The following UNC13A variants were observed in gnomAD, a reference collection of about 807,000 sequenced individuals.
UNC13A encodes unc-13 homolog A.
A neutral mutation model predicts 219.7 loss-of-function variants in UNC13A; 61 were observed. That is an observed-to-expected ratio of 0.28 (90% confidence interval 0.23 to 0.34). The LOEUF (loss-of-function observed/expected upper bound fraction) is 0.34, where lower values mean the gene tolerates loss of function less well. Ranked by LOEUF, UNC13A falls within the 10% of genes least tolerant of loss-of-function variation. The probability of loss-of-function intolerance (pLI) is 1.00; values close to 1 mark genes in which losing one functional copy is unlikely to be tolerated. For synonymous variants in UNC13A, 920 were observed against 884.6 expected, an observed-to-expected ratio of 1.04 and a Z score of -0.71; for missense variants, 1,476 against 2,270.3, an observed-to-expected ratio of 0.65 and a Z score of 7.11.
At chr19:17,626,369 C>A in intron 34 of UNC13A, 1 of 421,078 alleles carries the variant, frequency 2.4e-6, no homozygotes, top group Non-Finnish European at 4.3e-6. Context: ...TCTTTTAATC[C>A]ATGCGTCCAC....
intron 8 of UNC13A, among the ~76,000 whole-genome samples, chr19:17,658,911 A>G (rs1016121422): frequency 3.9e-5 from 6 of 152,198 alleles, no homozygotes; most frequent in Non-Finnish European, 7.3e-5. Flanking sequence ...CATGTTTAAT[A>G]AGAACTAAAA....
rs563828598 is a variant in UNC13A at position 17,667,424 on chromosome 19, T to C, written c.468+693A>G. 5.3e-5 allele frequency among the ~76,000 whole-genome samples: 8 copies of C among 152,272 alleles called. No homozygotes were observed. In the South Asian group the frequency reaches 1.7e-3, roughly 32 times the overall value. ...ATGCAATATATTCGTGTAACAAACCTGCACATGTATCCGCCAAATGAAAAG... is the reference window on the plus strand; with the variant it reads ...ATGCAATATATTCGTGTAACAAACCCGCACATGTATCCGCCAAATGAAAAG... On this transcript the variant is annotated intron_variant, in intron 6 of 43. Coordinates refer to ENST00000519716, the MANE Select transcript of UNC13A (RefSeq NM_001080421.3).
intron 37 of UNC13A, 66 bp downstream of exon 37, chr19:17,621,766 A>G: frequency 6.4e-7 from 1 of 1,561,968 alleles, no homozygotes; most frequent in East Asian, 2.2e-5. Flanking sequence ...GCACAGACGC[A>G]CACACATGCA....
chr19:17,622,832 T>G (rs141930113), intron 36 of UNC13A: 2 of 152,472 alleles, frequency 1.3e-5, no homozygotes, highest in Non-Finnish European at 2.9e-5. Context: ...AGGGAGGTGA[T>G]GCAATGAGCC....
intron 8 of UNC13A, among the ~76,000 whole-genome samples, chr19:17,659,094 T>C (rs1265653975): frequency 6.6e-6 from 1 of 152,184 alleles, no homozygotes; most frequent in East Asian, 1.9e-4. Context: ...ATTTCAATAA[T>C]GCAATCTTTT....
intron 41 of UNC13A, among the ~76,000 whole-genome samples, chr19:17,616,933 C>T (rs2076672143): frequency 6.6e-6 from 1 of 152,176 alleles, no homozygotes; most frequent in African/African-American, 2.4e-5. Context: ...TGCCCTCCAT[C>T]CAGCCCCAGC....
chr19:17,640,691 C>A, intron 21 of UNC13A, 30 bp from the exon 22 acceptor site: 1 of 1,547,508 alleles, frequency 6.5e-7, no homozygotes, highest in South Asian at 1.2e-5. Flanking sequence ...GGCACTAGGC[C>A]AGGGGTCCAG....
rs1382553424 is a variant in UNC13A, at chr19:17,656,212, G to A, written c.954C>T (p.Asp318=). The A allele has an allele frequency of 6.4e-7, 1 of 1,551,980 alleles. No homozygotes were observed. Among genetic ancestry groups the A allele is most frequent in the East Asian group, 2.4e-5 (1 of 40,942 alleles). ...VSYHKDSPRW[D]QDEEELEEDL... ...CCTCCTCCAGCTCTTCCTCATCCTG[G>A]TCCCAGCGAGGCGAGTCTTTGTGGT... Residue 318 remains aspartate (D), a synonymous_variant, in exon 10 of 44, where the codon GAC becomes GAT. Coordinates refer to ENST00000519716, the MANE Select transcript of UNC13A (RefSeq NM_001080421.3).
At chr19:17,607,598 A>G (rs1234505960) in intron 43 of UNC13A, among the ~76,000 whole-genome samples, 1 of 126,016 alleles carries the variant, frequency 7.9e-6, no homozygotes, top group Non-Finnish European at 1.7e-5. Flanking sequence ...TGTTTTTTTA[A>G]AGACAGGGTC....
At chr19:17,660,596 A>G (rs2079535025) in intron 8 of UNC13A, among the ~76,000 whole-genome samples, 1 of 148,572 alleles carries the variant, frequency 6.7e-6, no homozygotes, top group South Asian at 2.1e-4. Flanking sequence ...CAATGGTACG[A>G]TCTCGGCTCA....
intron 4 of UNC13A, among the ~76,000 whole-genome samples, chr19:17,670,500 G>C (rs1419899106): frequency 6.6e-6 from 1 of 151,654 alleles, no homozygotes; most frequent in East Asian, 2.0e-4. Context: ...GCCTCCCAAA[G>C]TGCTGGGATT....
rs746599185 is a variant in UNC13A, at chr19:17,648,455, G to A, written c.1792C>T (p.Leu598=). The part of the protein sequence containing the change: ...GVKCHEKCQD[L]LNADCLQRAA... ...CGCTGCAGGCAGTCGGCGTTGAGCA[G>A]GTCCTGGCACTTCTCGTGGCACTTG... The change falls in exon 16 of 44, where the codon CTG becomes TTG. Residue 598 remains leucine (L), a synonymous_variant. Coordinates refer to ENST00000519716, the MANE Select transcript of UNC13A (RefSeq NM_001080421.3). 1 of 1,606,798 alleles carries A rather than the reference G, an allele frequency of 6.2e-7. No individual in the cohort carries two copies. The highest frequency in any genetic ancestry group is 1.1e-5 in the South Asian group (1 of 90,880).
intron 19 of UNC13A, among the ~76,000 whole-genome samples, chr19:17,644,329 C>T (rs1391801006): frequency 2.0e-5 from 3 of 150,856 alleles, no homozygotes; most frequent in African/African-American, 4.9e-5. Flanking sequence ...GCTGGGACTA[C>T]AGGCACGCAT....
chr19:17,642,061 T>C (rs142748372), intron 20 of UNC13A, among the ~76,000 whole-genome samples: 2 of 78,340 alleles, frequency 2.6e-5, no homozygotes, highest in South Asian at 4.3e-4. Flanking sequence ...TCCATCTACC[T>C]ATCTACCCAT....
rs377290737 is a variant in UNC13A, at chr19:17,645,807, G to A, written c.2223C>T (p.Arg741=). Residue 741 remains arginine (R), a synonymous_variant, in exon 19 of 44, where the codon CGC becomes CGT. Coordinates refer to ENST00000519716, the MANE Select transcript of UNC13A (RefSeq NM_001080421.3). ...TGATGTCGTCATCCTCGTCCCAGAC[G>A]CGCACCTTGATGCGGTCGGAGGAAT... The part of the protein sequence containing the change: ...CHNSSDRIKV[R]VWDEDDDIKS... 4.0e-5 allele frequency: 64 copies of A among 1,613,088 alleles called. 1 individual carries two copies. Among genetic ancestry groups the A allele is most frequent in the African/African-American group, 1.2e-4 (9 of 75,032 alleles).
intron 1 of UNC13A, among the ~76,000 whole-genome samples, chr19:17,680,167 C>A (rs1323276100): frequency 7.4e-6 from 1 of 135,030 alleles, no homozygotes; most frequent in African/African-American, 2.8e-5. Context: ...AGGGTGGTAT[C>A]GGGGGAGAGG....
At chr19:17,682,646 G>T (rs1460490488) in intron 1 of UNC13A, among the ~76,000 whole-genome samples, 1 of 152,182 alleles carries the variant, frequency 6.6e-6, no homozygotes, top group Non-Finnish European at 1.5e-5. Context: ...TAGCTGGAGG[G>T]TATCAGGGAC....
At chr19:17,616,991 CAG>C (rs1466000375) in intron 41 of UNC13A, among the ~76,000 whole-genome samples, 3 of 152,168 alleles carry the variant, frequency 2.0e-5, no homozygotes, top group Admixed American at 2.0e-4. Context: ...AAGCAAAATA[CAG>C]AGAGAAAGAG....
At position 17,605,858 on chromosome 19, in the gene UNC13A, T is replaced by C; in HGVS notation, c.*196A>G. On this transcript the variant is annotated 3_prime_UTR_variant, in exon 44 of 44. Coordinates refer to ENST00000519716, the MANE Select transcript of UNC13A (RefSeq NM_001080421.3). ...CTTCGTCGCGCCCTTGGGCGTGGCC[T>C]CCCGAGAGGGCGGGGCATCCTCCAT... 1.9e-6 allele frequency: 1 copy of C among 539,198 alleles called. No homozygotes were observed. The highest frequency in any genetic ancestry group is 3.0e-6 in the Non-Finnish European group (1 of 337,598). The allele number at this position is 539,198 out of a possible 1,614,324, so 33.4% of individuals were successfully genotyped here. A position where few individuals can be genotyped will look rare whatever the true frequency, so the allele number is the denominator to read the frequency against.
Sources: gnomAD v4.1 joint callset for allele counts (sites outside exome capture counted in the v4.1 genomes callset) on GRCh38, gnomAD v4.1.1 for gene constraint, MANE v1.5 for transcripts, NCBI Gene and HGNC (gene_info 2026-07-23, HGNC 2026-07-21) for gene names.